Variants in TENM3 observed in about 807,000 individuals in gnomAD.
TENM3 encodes the protein teneurin transmembrane protein 3.
In TENM3, 63 loss-of-function variants were observed where a neutral mutation model predicts 255.1. The observed-to-expected ratio is 0.25, with a 90% confidence interval of 0.20 to 0.30. The LOEUF is 0.30. TENM3 is among the 10% of genes least tolerant of loss of function. The pLI, the probability that TENM3 is intolerant of heterozygous loss-of-function variation, is 1.00. For missense variants in TENM3, 2,929 were observed against 3,461.1 expected, an observed-to-expected ratio of 0.85 and a Z score of 3.86; for synonymous variants, 1,306 against 1,322.3, an observed-to-expected ratio of 0.99 and a Z score of 0.27.
At chr4:182,599,550 CAT>C (rs1054397198) in intron 3 of TENM3, among the ~76,000 whole-genome samples, 42 of 152,240 alleles carry the variant, frequency 2.8e-4, no homozygotes, top group African/African-American at 1.0e-3. Context: ...TCATTAGAAA[CAT>C]GTAATATTAC....
the TENM3 span, among the ~76,000 whole-genome samples, chr4:181,478,743 C>T: frequency 6.6e-6 from 1 of 152,170 alleles, no homozygotes; most frequent in African/African-American, 2.4e-5. Flanking sequence ...ATTAAAACAT[C>T]TGCCTTTCCA....
chr4:181,667,867 G>A, the TENM3 span, among the ~76,000 whole-genome samples: 5 of 152,168 alleles, frequency 3.3e-5, no homozygotes, highest in Non-Finnish European at 7.3e-5. Flanking sequence ...TATGAGACAG[G>A]TGGGTCAAGT....
chr4:181,737,027 G>T, the TENM3 span, among the ~76,000 whole-genome samples: 9 of 152,088 alleles, frequency 5.9e-5, no homozygotes, highest in Admixed American at 4.6e-4. Flanking sequence ...TTTGAAAAAC[G>T]ATGTGAATTT....
the TENM3 span, among the ~76,000 whole-genome samples, chr4:181,702,911 C>A: frequency 6.6e-6 from 1 of 152,038 alleles, no homozygotes; most frequent in East Asian, 1.9e-4. Flanking sequence ...TATGAATTGT[C>A]CCTGGCCAGT....
the TENM3 span, among the ~76,000 whole-genome samples, chr4:181,888,502 A>ATG: frequency 8.9e-3 from 216 of 24,298 alleles, 1 homozygote; most frequent in Middle Eastern, 0.038. Context: ...GTGTATATAT[A>ATG]TATATATATA....
chr4:181,715,909 A>G, the TENM3 span, among the ~76,000 whole-genome samples: 2 of 152,248 alleles, frequency 1.3e-5, no homozygotes, highest in Admixed American at 6.5e-5. Flanking sequence ...TTCCTCATAC[A>G]GATGATGCCT....
At chr4:181,921,513 C>A in the TENM3 span, among the ~76,000 whole-genome samples, 22 of 152,034 alleles carry the variant, frequency 1.4e-4, 1 homozygote, top group Admixed American at 1.0e-3. Context: ...ATGGGAGTTC[C>A]CTCATGATTT....
the TENM3 span, among the ~76,000 whole-genome samples, chr4:181,938,436 A>T: frequency 6.6e-6 from 1 of 152,224 alleles, no homozygotes; most frequent in Non-Finnish European, 1.5e-5. Context: ...AGTCAAGGGG[A>T]TCAGAGATAA....
chr4:181,907,261 G>A, the TENM3 span, among the ~76,000 whole-genome samples: 1 of 152,178 alleles, frequency 6.6e-6, no homozygotes, highest in African/African-American at 2.4e-5. Flanking sequence ...GTGCAACAGG[G>A]AGCCAGGAGG....
the TENM3 span, among the ~76,000 whole-genome samples, chr4:181,673,082 T>C: frequency 6.6e-6 from 1 of 152,224 alleles, no homozygotes; most frequent in Non-Finnish European, 1.5e-5. Context: ...ACTAGGACCC[T>C]AGGCATAGCC....
intron 1 of TENM3, among the ~76,000 whole-genome samples, chr4:182,317,816 A>G (rs1485959581): frequency 6.6e-6 from 1 of 152,158 alleles, no homozygotes. Context: ...AAATGAACAA[A>G]AGCAATTGAT....
chr4:182,080,240 T>C, the TENM3 span, among the ~76,000 whole-genome samples: 2 of 152,176 alleles, frequency 1.3e-5, no homozygotes, highest in Non-Finnish European at 2.9e-5. Context: ...GGTTGGGACT[T>C]GGAGCTGTAA....
At chr4:181,756,886 G>C in the TENM3 span, among the ~76,000 whole-genome samples, 1 of 152,124 alleles carries the variant, frequency 6.6e-6, no homozygotes, top group Non-Finnish European at 1.5e-5. Context: ...CTTTGGAAAA[G>C]TACTAGCTAA....
At chr4:181,470,125 A>AAAC in the TENM3 span, among the ~76,000 whole-genome samples, 2 of 150,564 alleles carry the variant, frequency 1.3e-5, no homozygotes, top group African/African-American at 4.9e-5. Context: ...AAAAAAAAAA[A>AAAC]CATTATTCAA....
At chr4:182,512,100 A>T (rs1737463270) in intron 3 of TENM3, among the ~76,000 whole-genome samples, 1 of 152,148 alleles carries the variant, frequency 6.6e-6, no homozygotes, top group South Asian at 2.1e-4. Flanking sequence ...GTAAAGGAGG[A>T]TGTGGAAGAG....
chr4:181,630,813 T>C, the TENM3 span, among the ~76,000 whole-genome samples: 2 of 152,232 alleles, frequency 1.3e-5, no homozygotes, highest in Non-Finnish European at 1.5e-5. Context: ...ATGTATATTC[T>C]GTTGATTTGG....
chr4:181,500,297 G>T, the TENM3 span, among the ~76,000 whole-genome samples: 7 of 151,710 alleles, frequency 4.6e-5, no homozygotes, highest in East Asian at 1.4e-3. Context: ...CCAAAGTGCT[G>T]GGATTACAGG....
At chr4:182,631,653 G>A (rs1049715225) in intron 5 of TENM3, 3 of 152,160 alleles carry the variant, frequency 2.0e-5, no homozygotes, top group South Asian at 2.1e-4. Context: ...TATCAATGAG[G>A]AAGACCAATG....
At chr4:182,662,945 C>T (rs1002432268) in intron 6 of TENM3, among the ~76,000 whole-genome samples, 1 of 152,170 alleles carries the variant, frequency 6.6e-6, no homozygotes, top group African/African-American at 2.4e-5. Context: ...AGCCCCTTCA[C>T]GAAACCCTAG....
Sources: gnomAD v4.1 joint callset for allele counts (sites outside exome capture counted in the v4.1 genomes callset) on GRCh38, gnomAD v4.1.1 for gene constraint, MANE v1.5 for transcripts, NCBI Gene and HGNC (gene_info 2026-07-23, HGNC 2026-07-21) for gene names.